TTC27: variants seen among roughly 807,000 people sequenced by gnomAD.
TTC27 encodes tetratricopeptide repeat protein 27.
A neutral mutation model predicts 115.9 loss-of-function variants in TTC27; 79 were observed. The ratio of observed to expected loss-of-function variants is 0.68; its 90% CI spans 0.57 to 0.82. TTC27 has a LOEUF of 0.82. Among genes scored for constraint, TTC27 ranks in the 40% least tolerant of loss-of-function variants. TTC27 has a pLI of 0.00. For missense variants in TTC27, 1,054 were observed against 993.1 expected, an observed-to-expected ratio of 1.06 and a Z score of -0.82; for synonymous variants, 401 against 356.0, an observed-to-expected ratio of 1.13 and a Z score of -1.42.
In TTC27 at chr2:32,734,778, A is replaced by G. The variant is rs530087767; in HGVS notation, c.1329+855A>G. Reference sequence around the variant, plus strand: ...TTTCTAGTTTCCTCACTTTTAATCTATCTCTTTTCCTTAGCTTTTCATTGG... The same window carrying G: ...TTTCTAGTTTCCTCACTTTTAATCTGTCTCTTTTCCTTAGCTTTTCATTGG... On this transcript the variant is annotated intron_variant, in intron 11 of 19. Coordinates refer to ENST00000317907, the MANE Select transcript of TTC27 (RefSeq NM_017735.5). Among the ~76,000 whole-genome samples, 4 of 152,254 alleles carry G rather than the reference A, an allele frequency of 2.6e-5. No individual in the cohort carries two copies. In the South Asian group the frequency reaches 8.3e-4, roughly 32 times the overall value.
In TTC27 at chr2:32,634,007, T is replaced by G. The variant is rs775342641; in HGVS notation, c.396+2T>G. ...GTTTTGTTCCAGCAATTCAGTGAGG[T>G]ATGCTTCTTGAAAATGTTGTATGTA... is the stretch of plus-strand genomic sequence containing the variant. On this transcript the variant is annotated splice_donor_variant, in intron 3 of 19. Coordinates refer to ENST00000317907, the MANE Select transcript of TTC27 (RefSeq NM_017735.5). LOFTEE classifies it high-confidence loss of function. The G allele has an allele frequency of 1.2e-6, 2 of 1,609,442 alleles. No individual in the cohort carries two copies. The highest frequency in any genetic ancestry group is 2.7e-5 in the African/African-American group (2 of 74,894).
At chr2:32,786,615 A>C in intron 15 of TTC27, among the ~76,000 whole-genome samples, 1 of 151,986 alleles carries the variant, frequency 6.6e-6, no homozygotes, top group South Asian at 2.1e-4. Context: ...TACTGTCTGC[A>C]CCTTTTGTCT....
chr2:32,666,359 CTTTT>C (rs35023187), intron 6 of TTC27, among the ~76,000 whole-genome samples: 2 of 136,534 alleles, frequency 1.5e-5, no homozygotes, highest in East Asian at 2.1e-4. Flanking sequence ...CAATGTGTTA[CTTTT>C]TTTTTTTTTT....
At chr2:32,816,709 T>C (rs904451555) in intron 18 of TTC27, among the ~76,000 whole-genome samples, 2 of 152,216 alleles carry the variant, frequency 1.3e-5, no homozygotes, top group African/African-American at 4.8e-5. Context: ...TCGCGTTCTC[T>C]ACATGAAGAC....
rs1158508588 is a variant in TTC27, at chr2:32,708,304, GTTTT to G, written c.1233+5403_1233+5406del. ...AATAGCGTTTTCTTTTCTCTACCTT[GTTTT>G]TTTTTTTTTTTTTTTTTTAATGAGA... On this transcript the variant is annotated intron_variant, in intron 10 of 19. Transcript: ENST00000317907. 5.4e-3 allele frequency among the ~76,000 whole-genome samples: 332 copies of G among 61,348 alleles called. 6 individuals carry two copies. The highest frequency in any genetic ancestry group is 0.026 in the South Asian group (33 of 1,258). The allele number at this position is 61,348 out of a possible 152,430, so 40.2% of individuals were successfully genotyped here. A position where few individuals can be genotyped will look rare whatever the true frequency, so the allele number is the denominator to read the frequency against.
intron 5 of TTC27, among the ~76,000 whole-genome samples, chr2:32,661,909 A>T (rs1665562722): frequency 6.6e-6 from 1 of 152,164 alleles, no homozygotes; most frequent in South Asian, 2.1e-4. Flanking sequence ...TGGGTTTGTC[A>T]TAAATATCTC....
chr2:32,703,555 C>A (rs1005405408), intron 10 of TTC27, among the ~76,000 whole-genome samples: 7 of 152,036 alleles, frequency 4.6e-5, no homozygotes, highest in Non-Finnish European at 7.4e-5. Flanking sequence ...GATATGCAGC[C>A]CCATAGGTAT....
At chr2:32,818,832 A>G (rs1221742128) in intron 19 of TTC27, among the ~76,000 whole-genome samples, 2 of 152,082 alleles carry the variant, frequency 1.3e-5, no homozygotes, top group East Asian at 3.8e-4. Flanking sequence ...TTTTGTTCTT[A>G]TTAATGGTTT....
chr2:32,761,124 C>G (rs190149018), intron 13 of TTC27, among the ~76,000 whole-genome samples: 1 of 152,266 alleles, frequency 6.6e-6, no homozygotes. Context: ...TTTACAGTAT[C>G]TGAAGTGTTC....
chr2:32,660,629 T>G (rs544942023), intron 5 of TTC27, among the ~76,000 whole-genome samples: 1 of 152,288 alleles, frequency 6.6e-6, no homozygotes, highest in South Asian at 2.1e-4. Flanking sequence ...GTGTTTTTCT[T>G]GTAAATTTGT....
chr2:32,783,788 G>A (rs1040839745), intron 15 of TTC27, among the ~76,000 whole-genome samples: 3 of 152,334 alleles, frequency 2.0e-5, no homozygotes, highest in East Asian at 3.9e-4. Context: ...TATGAAAAGC[G>A]AAGGAAAGGG....
intron 5 of TTC27, among the ~76,000 whole-genome samples, chr2:32,653,597 A>C (rs970543809): frequency 6.6e-6 from 1 of 151,352 alleles, no homozygotes; most frequent in African/African-American, 2.4e-5. Context: ...CCATCTCAAA[A>C]AAAAAAAAAC....
intron 14 of TTC27, among the ~76,000 whole-genome samples, chr2:32,780,526 G>A (rs1413319814): frequency 2.0e-5 from 3 of 152,136 alleles, no homozygotes; most frequent in East Asian, 1.9e-4. Context: ...GGCAACCTCC[G>A]CCTCCCAGGT....
Position 32,812,599 on chromosome 2 carries a change from C to T in TTC27, c.2292C>T (p.Ala764=), listed in dbSNP as rs766216407. ...CATTTAAGGAAGTTGTTCAAAGAGC[C>T]TTAGGACTTGCACATGGTATTTGAT... ...ITSFKEVVQR[A]LGLAHVAIKC... The change falls in exon 18 of 20, where the codon GCC becomes GCT. Residue 764 remains alanine, a synonymous_variant. Transcript: ENST00000317907. 5 of 1,613,054 alleles carry T rather than the reference C, an allele frequency of 3.1e-6. No homozygotes were observed. The highest frequency in any genetic ancestry group is 4.2e-6 in the Non-Finnish European group (5 of 1,179,090).
chr2:32,639,249 T>G lies in TTC27; in HGVS notation c.397-1021T>G, dbSNP rs929498304. 2.6e-5 allele frequency among the ~76,000 whole-genome samples: 4 copies of G among 152,356 alleles called. 1 individual carries two copies. The highest frequency in any genetic ancestry group is 1.3e-4 in the Admixed American group (2 of 15,296). On this transcript the variant is annotated intron_variant, in intron 3 of 19. Coordinates refer to ENST00000317907, the MANE Select transcript of TTC27 (RefSeq NM_017735.5). The stretch of plus-strand genomic sequence containing the variant: ...CAGAGAAAGGACACTGTCCTGTGCA[T>G]GTGACATTGGAACCCATGTTCCTGA...
At chr2:32,667,676 A>G (rs1182264888) in intron 7 of TTC27, among the ~76,000 whole-genome samples, 1 of 149,232 alleles carries the variant, frequency 6.7e-6, no homozygotes, top group African/African-American at 2.5e-5. Context: ...TCGGCCTCCC[A>G]AAGTGCTGGG....
At chr2:32,788,756 A>G (rs139528299) in intron 16 of TTC27, among the ~76,000 whole-genome samples, 3 of 152,216 alleles carry the variant, frequency 2.0e-5, no homozygotes, top group African/African-American at 2.4e-5. Flanking sequence ...CACCAATAGA[A>G]GTTGTTTTAT....
intron 9 of TTC27, among the ~76,000 whole-genome samples, chr2:32,683,646 G>T (rs1418189465): frequency 6.6e-6 from 1 of 152,186 alleles, no homozygotes; most frequent in Non-Finnish European, 1.5e-5. Context: ...TCTGCATGTT[G>T]CAGGAAAGCT....
chr2:32,708,304 G>GTTTTTTTTTTGTTT (rs1667450631), intron 10 of TTC27, among the ~76,000 whole-genome samples: 1 of 61,348 alleles, frequency 1.6e-5, no homozygotes, highest in Non-Finnish European at 3.1e-5. Context: ...TCTCTACCTT[G>GTTTTTTTTTTGTTT]TTTTTTTTTT....
Sources: gnomAD v4.1 joint callset for allele counts (sites outside exome capture counted in the v4.1 genomes callset) on GRCh38, gnomAD v4.1.1 for gene constraint, MANE v1.5 for transcripts, NCBI Gene and HGNC (gene_info 2026-07-23, HGNC 2026-07-21) for gene names.